SNX13: variants seen among roughly 807,000 people sequenced by gnomAD.
SNX13 encodes sorting nexin-13.
A neutral mutation model predicts 133.6 loss-of-function variants in SNX13; 45 were observed. That is an observed-to-expected ratio of 0.34 (90% CI 0.27 to 0.43). The LOEUF (loss-of-function observed/expected upper bound fraction) is 0.43. SNX13 is among the 20% of genes least tolerant of loss of function. The pLI, the probability that SNX13 is intolerant of heterozygous loss-of-function variation, is 1.00. For synonymous variants in SNX13, 414 were observed against 373.9 expected (o/e 1.11, Z -1.24); for missense variants, 1,032 against 1,145.1 (o/e 0.90, Z 1.43).
intron 2 of SNX13, 36 bp downstream of exon 2, chr7:17,897,298 C>T (rs1391577195): frequency 1.7e-6 from 2 of 1,187,560 alleles, no homozygotes; most frequent in Non-Finnish European, 2.3e-6. Context: ...CAAGATATGA[C>T]ACATGAATTA....
chr7:17,806,982 G>A (rs951165620), intron 20 of SNX13, among the ~76,000 whole-genome samples: 1 of 152,154 alleles, frequency 6.6e-6, no homozygotes, highest in Non-Finnish European at 1.5e-5. Context: ...ATTTCCTCCG[G>A]TGCCTCCGCC....
At chr7:17,846,032 G>A (rs568791558) in intron 11 of SNX13, among the ~76,000 whole-genome samples, 1 of 152,150 alleles carries the variant, frequency 6.6e-6, no homozygotes, top group East Asian at 1.9e-4. Context: ...GAAGGAAATG[G>A]TTAATATACG....
intron 1 of SNX13, among the ~76,000 whole-genome samples, chr7:17,925,306 G>T (rs1800619858): frequency 6.6e-6 from 1 of 152,150 alleles, no homozygotes; most frequent in East Asian, 1.9e-4. Context: ...GGGGTCTTCA[G>T]TTTGGAGTAA....
intron 1 of SNX13, among the ~76,000 whole-genome samples, chr7:17,925,991 T>G (rs1026900062): frequency 6.6e-6 from 1 of 152,214 alleles, no homozygotes; most frequent in African/African-American, 2.4e-5. Context: ...ATGTTGTGGT[T>G]ATAGGTATTT....
rs534885520 is a variant in SNX13, at chr7:17,871,079, C to G, written c.753+2449G>C. On this transcript the variant is annotated intron_variant, in intron 8 of 25. Transcript: ENST00000428135. ...GGAGTGCAGTGGCGCGATCTCAGCT[C>G]ACTGCAAGCTCCGCCTCCCGGGTTC... Among the ~76,000 whole-genome samples the G allele has an allele frequency of 4.0e-5, 6 of 151,688 alleles. No homozygotes were observed. The South Asian group carries it at 1.2e-3, about 32-fold the overall frequency.
In SNX13 at chr7:17,868,439, G is replaced by A. The variant is rs901657027; in HGVS notation, c.805C>T (p.Pro269Ser). The change falls in exon 9 of 26, where the codon CCT becomes TCT. Residue 269 changes from proline to serine, a missense_variant. By Grantham distance (74) the Pro-to-Ser change is moderately conservative. Transcript: ENST00000428135. ...ATGACATACTGATTAATATAATCAGGATCACTGAGTTGATTTATTAATGGA... is the reference window on the plus strand; with the variant it reads ...ATGACATACTGATTAATATAATCAGAATCACTGAGTTGATTTATTAATGGA... Reference protein sequence around the residue: ...LLPLINQLSDPDYINQYVIWM... With the variant: ...LLPLINQLSDSDYINQYVIWM... The A allele has an allele frequency of 8.7e-6, 14 of 1,608,686 alleles. No individual in the cohort carries two copies. Among genetic ancestry groups the A allele is most frequent in the African/African-American group, 1.3e-5 (1 of 74,666 alleles).
intron 5 of SNX13, among the ~76,000 whole-genome samples, chr7:17,885,140 C>T (rs930949445): frequency 3.3e-5 from 5 of 151,938 alleles, no homozygotes; most frequent in South Asian, 2.1e-4. Context: ...ATGTGTTCAA[C>T]GGAATATTAT....
At chr7:17,835,372 A>AT (rs1416878191) in intron 13 of SNX13, among the ~76,000 whole-genome samples, 1 of 151,874 alleles carries the variant, frequency 6.6e-6, no homozygotes, top group Non-Finnish European at 1.5e-5. Context: ...CTTTAAAGAG[A>AT]TTACTGTTAT....
At chr7:17,796,389 T>C (rs1362603878) in intron 25 of SNX13, 2 of 153,532 alleles carry the variant, frequency 1.3e-5, no homozygotes, top group East Asian at 1.9e-4. Context: ...ACAACAAATA[T>C]TCTTCCTGAA....
At chr7:17,852,241 G>T (rs1343953348) in intron 9 of SNX13, among the ~76,000 whole-genome samples, 2 of 152,166 alleles carry the variant, frequency 1.3e-5, no homozygotes, top group Non-Finnish European at 2.9e-5. Context: ...GGGCATGGTG[G>T]CAGGTGCCTG....
rs555475594 is a variant in SNX13 at position 17,845,618 on chromosome 7, T to C, written c.1142A>G (p.Asn381Ser). 6.3e-5 allele frequency: 101 copies of C among 1,599,116 alleles called. No individual in the cohort carries two copies. In the Middle Eastern group the frequency reaches 6.6e-4, roughly 10 times the overall value. Reference protein sequence around the residue: ...TVPLDSILVDNVALQFFMDYM... With the variant: ...TVPLDSILVDSVALQFFMDYM... ...ACCCATAAAAAATTGTAGTGCAACA[T>C]TGTCTACAAGAATGCTGTCCAGGGG... Residue 381 changes from asparagine to serine, a missense_variant, in exon 12 of 26, where the codon AAT becomes AGT. By Grantham distance (46) the Asn-to-Ser change is conservative. Coordinates refer to ENST00000428135, the MANE Select transcript of SNX13 (RefSeq NM_015132.5).
rs1344673693 is a variant in SNX13, at chr7:17,794,039, G to A, written c.*6C>T. On this transcript the variant is annotated 3_prime_UTR_variant, in exon 26 of 26. Coordinates refer to ENST00000428135, the MANE Select transcript of SNX13 (RefSeq NM_015132.5). ...AAAATGAACACCAGCTTCATAGAGT[G>A]GAGTGTCACCTTTTCTGCAAAGAAG... 1 of 1,610,192 alleles carries A rather than the reference G, an allele frequency of 6.2e-7. No individual in the cohort carries two copies. The highest frequency in any genetic ancestry group is 8.5e-7 in the Non-Finnish European group (1 of 1,177,626).
At chr7:17,819,100 G>A (rs764155681) in intron 18 of SNX13, among the ~76,000 whole-genome samples, 4 of 152,128 alleles carry the variant, frequency 2.6e-5, no homozygotes, top group African/African-American at 7.2e-5. Flanking sequence ...ATCAATGAAT[G>A]AGCAGCTCAG....
At chr7:17,805,264 C>CGCGCGCATAT (rs1272069293) in intron 20 of SNX13, among the ~76,000 whole-genome samples, 1 of 122,340 alleles carries the variant, frequency 8.2e-6, no homozygotes, top group African/African-American at 3.3e-5. Flanking sequence ...TGCGCGCGCG[C>CGCGCGCATAT]GCATGCATGC....
At chr7:17,906,126 T>C (rs1189656044) in intron 1 of SNX13, among the ~76,000 whole-genome samples, 1 of 152,048 alleles carries the variant, frequency 6.6e-6, no homozygotes, top group Non-Finnish European at 1.5e-5. Context: ...TAATCACAAG[T>C]ACAAGATGAT....
At chr7:17,801,533 A>C in intron 22 of SNX13, 55 bp downstream of exon 22, 1 of 1,377,262 alleles carries the variant, frequency 7.3e-7, no homozygotes, top group Non-Finnish European at 1.0e-6. Flanking sequence ...AAAAGTTAAA[A>C]AGATATGCCA....
At chr7:17,916,028 G>A (rs1799522886) in intron 1 of SNX13, among the ~76,000 whole-genome samples, 2 of 152,070 alleles carry the variant, frequency 1.3e-5, no homozygotes, top group African/African-American at 4.8e-5. Flanking sequence ...AAAAATACAT[G>A]GAAACTAAAC....
At position 17,805,154 on chromosome 7, in the gene SNX13, G is replaced by A. The variant is rs1023844843; in HGVS notation, c.2065-1574C>T. On this transcript the variant is annotated intron_variant, in intron 20 of 25. Coordinates refer to ENST00000428135, the MANE Select transcript of SNX13 (RefSeq NM_015132.5). ...GATTTGAAAAACATGACCACTGGTGGAGAGAAACATAAAGATAAAAAGATG... is the reference window on the plus strand; with the variant it reads ...GATTTGAAAAACATGACCACTGGTGAAGAGAAACATAAAGATAAAAAGATG... Among the ~76,000 whole-genome samples, 3 of 151,566 alleles carry A rather than the reference G, an allele frequency of 2.0e-5. No homozygotes were observed. In the South Asian group the frequency reaches 6.2e-4, roughly 31 times the overall value.
intron 7 of SNX13, 95 bp downstream of exon 7, chr7:17,875,385 A>G: frequency 1.1e-6 from 1 of 906,416 alleles, no homozygotes; most frequent in Non-Finnish European, 1.7e-6. Flanking sequence ...ACCTGCCCTA[A>G]GTAAGAATAA....
Sources: allele counts gnomAD v4.1 joint callset (sites outside exome capture counted in the v4.1 genomes callset), GRCh38; gene constraint gnomAD v4.1.1; transcripts MANE v1.5; gene names NCBI Gene and HGNC (gene_info 2026-07-23, HGNC 2026-07-21).